ESPNL: variants seen among roughly 807,000 people sequenced by gnomAD.
The protein encoded by ESPNL is espin like, also known as espin-like protein.
In ESPNL, 49 loss-of-function variants were observed where a neutral mutation model predicts 46.8. The ratio of observed to expected loss-of-function variants is 1.05; its 90% CI spans 0.83 to 1.33. The LOEUF is 1.33. Ranked by LOEUF, ESPNL falls within the 40% of genes most tolerant of loss-of-function variation. The pLI, the probability that ESPNL is intolerant of heterozygous loss-of-function variation, is 0.00. For synonymous variants in ESPNL, 664 were observed against 662.1 expected (o/e 1.00, Z -0.04); for missense variants, 1,540 against 1,436.6 (o/e 1.07, Z -1.16).
chr2:238,126,916 C>CGTGTCTGTGTGTCTGTGATT lies in ESPNL; in HGVS notation c.1103-701_1103-682dup, dbSNP rs1491357202. 7.1e-4 allele frequency among the ~76,000 whole-genome samples: 29 copies of CGTGTCTGTGTGTCTGTGATT among 40,890 alleles called. No individual in the cohort carries two copies. In the African/African-American group the frequency reaches 7.8e-3, roughly 11 times the overall value. The allele number at this position is 40,890 out of a possible 152,430, so 26.8% of individuals were successfully genotyped here. A position where few individuals can be genotyped will look rare whatever the true frequency, so the allele number is the denominator to read the frequency against. ...GATTGTGTGATTGTGTGTGTATGAT[C>CGTGTCTGTGTGTCTGTGATT]GTGTCTGTGTGTCTGTGATTGTGTG... On this transcript the variant is annotated intron_variant, in intron 6 of 8. Coordinates refer to ENST00000343063, the MANE Select transcript of ESPNL (RefSeq NM_194312.4).
At chr2:238,128,660 G>A (rs773282640) in intron 7 of ESPNL, 47 bp from the exon 8 acceptor site, 1 of 1,535,944 alleles carries the variant, frequency 6.5e-7, no homozygotes, top group South Asian at 1.2e-5. Flanking sequence ...CTCCACTCAG[G>A]GCCTGGGTCC....
At chr2:238,129,112 C>CA in intron 8 of ESPNL, 1 of 1,413,516 alleles carries the variant, frequency 7.1e-7, no homozygotes, top group Non-Finnish European at 9.2e-7. Context: ...GCTCTGGAGG[C>CA]ATGGGTCCCA....
intron 5 of ESPNL, among the ~76,000 whole-genome samples, chr2:238,119,693 C>G (rs918023059): frequency 6.6e-6 from 1 of 152,046 alleles, no homozygotes; most frequent in Non-Finnish European, 1.5e-5. Flanking sequence ...TACTGGTCAT[C>G]CCTTCAGGAA....
intron 5 of ESPNL, among the ~76,000 whole-genome samples, chr2:238,118,374 AGGTGGATGGAGAAGGGTGGATGGAAGAG>A (rs1395745764): frequency 2.0e-5 from 2 of 98,288 alleles, no homozygotes; most frequent in East Asian, 4.4e-4. Flanking sequence ...TGGATGGAGG[AGGTGGATGGAGAAGGGTGGATGGAAGAG>A]GGTGGACGGA....
At chr2:238,112,040 C>T (rs1339581793) in intron 4 of ESPNL, among the ~76,000 whole-genome samples, 2 of 151,892 alleles carry the variant, frequency 1.3e-5, no homozygotes, top group African/African-American at 4.8e-5. Context: ...GGAGTGTTTC[C>T]TCTTTTCCTA....
chr2:238,125,953 G>A (rs933894352), intron 6 of ESPNL, among the ~76,000 whole-genome samples: 3 of 152,084 alleles, frequency 2.0e-5, no homozygotes, highest in African/African-American at 2.4e-5. Context: ...ATAGATACGG[G>A]GACCCTTCTC....
chr2:238,113,381 G>C (rs1691752698), intron 4 of ESPNL, among the ~76,000 whole-genome samples: 1 of 152,084 alleles, frequency 6.6e-6, no homozygotes, highest in African/African-American at 2.4e-5. Flanking sequence ...TTTTTACTCT[G>C]TTATTTTGAG....
At chr2:238,127,247 C>T in intron 6 of ESPNL, 4 of 606,484 alleles carry the variant, frequency 6.6e-6, no homozygotes, top group Non-Finnish European at 8.6e-6. Flanking sequence ...CGAGGTTGAC[C>T]CTGAAGTGTG....
In ESPNL at chr2:238,100,379, C is replaced by T. The variant is rs773614746; in HGVS notation, c.-41C>T. 5.8e-6 allele frequency: 9 copies of T among 1,547,028 alleles called. No individual in the cohort carries two copies. In the Admixed American group the frequency reaches 1.0e-4, roughly 17 times the overall value. ...CATCCACGTCTGAAACAGGAAGCCC[C>T]AGCCTGTGCATGAGTCGCCACTGAG... On this transcript the variant is annotated 5_prime_UTR_variant, in exon 1 of 9. Transcript: ENST00000343063.
At chr2:238,117,280 G>A (rs1483495737) in intron 5 of ESPNL, among the ~76,000 whole-genome samples, 1 of 152,230 alleles carries the variant, frequency 6.6e-6, no homozygotes, top group Non-Finnish European at 1.5e-5. Flanking sequence ...CAGGGGTGGG[G>A]CCAGGGCTGT....
rs371785015 is a variant in ESPNL, at chr2:238,131,116, G to C, written c.2402G>C (p.Arg801Pro). The change falls in exon 9 of 9, where the codon CGC becomes CCC. Residue 801 changes from arginine (R) to proline (P), a missense_variant. Arg to Pro is a moderately radical substitution (Grantham distance 103). Transcript: ENST00000343063. Reference protein sequence around the residue: ...GPRLGHLWQQRSTITHLLGNW... With the variant: ...GPRLGHLWQQPSTITHLLGNW... ...CGGCTGGGCCACCTGTGGCAGCAGCGCAGCACCATCACCCACCTGCTGGGC... is the reference window on the plus strand; with the variant it reads ...CGGCTGGGCCACCTGTGGCAGCAGCCCAGCACCATCACCCACCTGCTGGGC... 1.9e-6 allele frequency: 3 copies of C among 1,545,000 alleles called. No homozygotes were observed. In the South Asian group the frequency reaches 3.6e-5, roughly 18 times the overall value.
Position 238,130,486 on chromosome 2 carries a change from T to C in ESPNL, c.1772T>C (p.Phe591Ser), listed in dbSNP as rs1368159777. 24 of 1,598,776 alleles carry C rather than the reference T, an allele frequency of 1.5e-5. No individual in the cohort carries two copies. Among genetic ancestry groups the C allele is most frequent in the Non-Finnish European group, 1.9e-5 (22 of 1,172,790 alleles). ...EVAPGVQPLP[F>S]WCSHISRLVR... The stretch of plus-strand genomic sequence containing the variant: ...GCCCCCGGGGTGCAGCCCCTGCCCT[T>C]CTGGTGCAGCCACATCTCCCGCCTG... The change falls in exon 9 of 9, where the codon TTC becomes TCC. Residue 591 changes from phenylalanine to serine, a missense_variant. Coordinates refer to ENST00000343063, the MANE Select transcript of ESPNL (RefSeq NM_194312.4).
At position 238,131,338 on chromosome 2, in the gene ESPNL, G is replaced by A. The variant is rs780626181; in HGVS notation, c.2624G>A (p.Arg875Gln). Residue 875 changes from arginine to glutamine, a missense_variant, in exon 9 of 9, where the codon CGG becomes CAG. Coordinates refer to ENST00000343063, the MANE Select transcript of ESPNL (RefSeq NM_194312.4). ...GAGTGCGACCTGCCGGCGGAGGAGC[G>A]GAAGCTGCGCCACCTGCTGTGCTTC... is the stretch of plus-strand genomic sequence containing the variant. ...LLECDLPAEE[R>Q]KLRHLLCFEV... is the part of the protein sequence containing the mutation. The A allele has an allele frequency of 1.6e-5, 26 of 1,592,354 alleles. No individual in the cohort carries two copies. Among genetic ancestry groups the A allele is most frequent in the Middle Eastern group, 1.7e-4 (1 of 6,060 alleles).
At chr2:238,126,616 CGT>C (rs1692125928) in intron 6 of ESPNL, among the ~76,000 whole-genome samples, 1 of 126,390 alleles carries the variant, frequency 7.9e-6, no homozygotes, top group Non-Finnish European at 1.7e-5. Flanking sequence ...TGATTGTGTC[CGT>C]GTCTGTGTGT....
intron 2 of ESPNL, among the ~76,000 whole-genome samples, chr2:238,104,398 A>AC (rs1357354241): frequency 6.6e-6 from 1 of 152,224 alleles, no homozygotes; most frequent in South Asian, 2.1e-4. Flanking sequence ...CAAGACTGTG[A>AC]CCCCTCAGGT....
At chr2:238,125,949 A>G (rs1692097365) in intron 6 of ESPNL, among the ~76,000 whole-genome samples, 2 of 151,456 alleles carry the variant, frequency 1.3e-5, no homozygotes, top group Admixed American at 6.6e-5. Flanking sequence ...ACACATAGAT[A>G]CGGGGACCCT....
At chr2:238,104,926 T>A (rs1691563557) in intron 3 of ESPNL, 84 bp downstream of exon 3, 1 of 1,243,880 alleles carries the variant, frequency 8.0e-7, no homozygotes, top group Admixed American at 3.1e-5. Context: ...GGATGGGGGC[T>A]CCAGAGGGAA....
intron 5 of ESPNL, among the ~76,000 whole-genome samples, chr2:238,119,446 G>T (rs1691930414): frequency 8.4e-6 from 1 of 119,244 alleles, no homozygotes. Context: ...GGAGGTGGAG[G>T]AGAGGAGGTT....
chr2:238,118,856 T>C (rs1407158490), intron 5 of ESPNL, among the ~76,000 whole-genome samples: 50 of 102,816 alleles, frequency 4.9e-4, no homozygotes, highest in African/African-American at 8.8e-4. Flanking sequence ...AGAGGGTGGA[T>C]GGAAGAGGAC....
Sources: gnomAD v4.1 joint callset for allele counts (sites outside exome capture counted in the v4.1 genomes callset) on GRCh38, gnomAD v4.1.1 for gene constraint, MANE v1.5 for transcripts, NCBI Gene and HGNC (gene_info 2026-07-23, HGNC 2026-07-21) for gene names.